The following GRK4 variants were observed in gnomAD, a reference collection of about 807,000 sequenced individuals.
The protein encoded by GRK4 is G protein-coupled receptor kinase 2-like.
A neutral mutation model predicts 77.9 loss-of-function variants in GRK4; 73 were observed. The ratio of observed to expected loss-of-function variants is 0.94; its 90% CI spans 0.78 to 1.14. The LOEUF is 1.14. Among genes scored for constraint, GRK4 ranks in the 50% most tolerant of loss-of-function variants. GRK4 has a pLI of 0.00. For missense variants in GRK4, 729 were observed against 700.2 expected, an observed-to-expected ratio of 1.04 and a Z score of -0.46; for synonymous variants, 257 against 254.4, an observed-to-expected ratio of 1.01 and a Z score of -0.10.
chr4:3,006,738 C>T (rs1731437678), intron 5 of GRK4, among the ~76,000 whole-genome samples: 1 of 152,020 alleles, frequency 6.6e-6, no homozygotes, highest in African/African-American at 2.4e-5. Context: ...TCACCACTAC[C>T]CTCCAGCCTG....
intron 8 of GRK4, among the ~76,000 whole-genome samples, chr4:3,019,202 C>G (rs1182207252): frequency 1.3e-5 from 2 of 152,182 alleles, no homozygotes; most frequent in African/African-American, 4.8e-5. Flanking sequence ...GACTACTCCA[C>G]CAGCATTATT....
chr4:3,015,503 A>G (rs913894795), intron 8 of GRK4, among the ~76,000 whole-genome samples: 1 of 151,746 alleles, frequency 6.6e-6, no homozygotes, highest in African/African-American at 2.4e-5. Flanking sequence ...GTGAAACCCC[A>G]TCTCTACTAA....
intron 4 of GRK4, among the ~76,000 whole-genome samples, chr4:2,997,547 G>A (rs529048349): frequency 6.6e-6 from 1 of 152,210 alleles, no homozygotes; most frequent in African/African-American, 2.4e-5. Flanking sequence ...GAGAGAGAGA[G>A]ACGTTTATGG....
chr4:3,005,796 ACT>A (rs1181784353), intron 5 of GRK4, among the ~76,000 whole-genome samples: 2 of 151,918 alleles, frequency 1.3e-5, no homozygotes, highest in South Asian at 2.1e-4. Context: ...ACACAGCGAG[ACT>A]CTGTCTCATA....
Position 3,029,761 on chromosome 4 carries a change from C to T in GRK4, c.1269+352C>T, listed in dbSNP as rs537821490. ...GCTCAGGAGGCTCACGTCAACCTGTCTCTTGGCCCAGCAGGGAGGACACGT... is the reference window on the plus strand; with the variant it reads ...GCTCAGGAGGCTCACGTCAACCTGTTTCTTGGCCCAGCAGGGAGGACACGT... On this transcript the variant is annotated intron_variant, in intron 12 of 15. Transcript: ENST00000398052. 3.3e-5 allele frequency among the ~76,000 whole-genome samples: 5 copies of T among 151,918 alleles called. No individual in the cohort carries two copies. In the South Asian group the frequency reaches 6.2e-4, roughly 19 times the overall value.
chr4:3,035,657 C>A (rs1013810858), intron 13 of GRK4, 134 bp downstream of exon 13: 11 of 973,640 alleles, frequency 1.1e-5, no homozygotes, highest in Non-Finnish European at 1.6e-5. Context: ...CTCCTGGCCT[C>A]AAGTGGTCCT....
intron 14 of GRK4, among the ~76,000 whole-genome samples, chr4:3,037,909 C>T (rs118011304): frequency 6.2e-5 from 9 of 146,338 alleles, no homozygotes; most frequent in Non-Finnish European, 8.9e-5. Context: ...AACGAGACTT[C>T]GTCTCACCCA....
At position 2,985,984 on chromosome 4, in the gene GRK4, C is replaced by CAAAAA. The variant is rs1181104072; in HGVS notation, c.148+1392_148+1396dup. ...TGGGTGACAGAACAAGACTCCGTCT[C>CAAAAA]AAAAAAAAAAAAAAAAAAAAGAAGT... is the stretch of plus-strand genomic sequence containing the variant. On this transcript the variant is annotated intron_variant, in intron 2 of 15. Coordinates refer to ENST00000398052, the MANE Select transcript of GRK4 (RefSeq NM_182982.3). 2.6e-4 allele frequency among the ~76,000 whole-genome samples: 24 copies of CAAAAA among 91,656 alleles called. 4 individuals carry two copies. The highest frequency in any genetic ancestry group is 2.7e-4 in the Non-Finnish European group (12 of 44,142). The allele number at this position is 91,656 out of a possible 152,430, so 60.1% of individuals were successfully genotyped here. A position where few individuals can be genotyped will look rare whatever the true frequency, so the allele number is the denominator to read the frequency against.
intron 12 of GRK4, among the ~76,000 whole-genome samples, chr4:3,031,489 C>G (rs867914358): frequency 6.6e-6 from 1 of 152,160 alleles, no homozygotes; most frequent in African/African-American, 2.4e-5. Context: ...CTGCACTCGC[C>G]CAGCTCTGGT....
Position 3,007,767 on chromosome 4 carries a change from T to C in GRK4, c.475T>C (p.Phe159Leu), listed in dbSNP as rs779929539. The C allele has an allele frequency of 6.2e-7, 1 of 1,611,372 alleles. No individual in the cohort carries two copies. Among genetic ancestry groups the C allele is most frequent in the South Asian group, 1.1e-5 (1 of 90,524 alleles). Residue 159 changes from phenylalanine to leucine, a missense_variant, in exon 6 of 16, where the codon TTT becomes CTT. Phe to Leu is a conservative substitution (Grantham distance 22). Transcript: ENST00000398052. Reference sequence around the variant, plus strand: ...CCATAACTACCTAAGAGGGGAACCATTTGAAGAATACCAAGAAAGCTCATA... The same window carrying C: ...CCATAACTACCTAAGAGGGGAACCACTTGAAGAATACCAAGAAAGCTCATA... ...VAHNYLRGEP[F>L]EEYQESSYFS...
At chr4:2,967,489 C>T (rs148633471) in intron 1 of GRK4, among the ~76,000 whole-genome samples, 2,510 of 152,286 alleles carry the variant, frequency 0.016, 76 homozygotes, top group African/African-American at 0.056. Context: ...CAACCTCTGC[C>T]GCCTGGGTTC....
At position 3,013,702 on chromosome 4, in the gene GRK4, A is replaced by C. The variant is rs770112448; in HGVS notation, c.615A>C (p.Gln205His). ...GTTTAAACTAGGTTTGCGCCTGTCA[A>C]GTGCGAGCCACAGGAAAAATGTATG... The part of the protein sequence containing the change: ...KGGFGEVCAC[Q>H]VRATGKMYAC... Residue 205 changes from glutamine (Q) to histidine (H), a missense_variant, in exon 8 of 16, where the codon CAA (glutamine) becomes CAC (histidine). Gln to His is a conservative substitution (Grantham distance 24). Transcript: ENST00000398052. 1 of 1,610,474 alleles carries C rather than the reference A, an allele frequency of 6.2e-7. No individual in the cohort carries two copies. Among genetic ancestry groups the C allele is most frequent in the African/African-American group, 1.3e-5 (1 of 74,568 alleles).
intron 1 of GRK4, chr4:2,969,249 T>A (rs1718714373): frequency 6.6e-6 from 1 of 152,190 alleles, no homozygotes; most frequent in Non-Finnish European, 1.5e-5. Context: ...AAGACTGCTC[T>A]TTCTAGTCTT....
intron 10 of GRK4, 149 bp from the exon 11 acceptor site, chr4:3,027,763 T>C: frequency 1.7e-6 from 1 of 596,594 alleles, no homozygotes; most frequent in Non-Finnish European, 2.9e-6. Flanking sequence ...ATGAAAAAGT[T>C]AAATGCCATT....
At chr4:2,964,470 G>C (rs1205588205) in intron 1 of GRK4, among the ~76,000 whole-genome samples, 1 of 152,114 alleles carries the variant, frequency 6.6e-6, no homozygotes, top group Non-Finnish European at 1.5e-5. Flanking sequence ...GCTTGTGTTG[G>C]ACAACCTGTC....
At chr4:3,007,303 C>G (rs1281766463) in intron 5 of GRK4, among the ~76,000 whole-genome samples, 1 of 152,218 alleles carries the variant, frequency 6.6e-6, no homozygotes. Context: ...ATTATTATCT[C>G]TGTTTTACAG....
rs771757282 is a variant in GRK4 at position 3,001,326 on chromosome 4, TACACAC to T, written c.340-2881_340-2876del. ...GTATATATGTGTGTGTGAGTACATA[TACACAC>T]ACACACACACACACACACACACATA... On this transcript the variant is annotated intron_variant, in intron 4 of 15. Transcript: ENST00000398052. Among the ~76,000 whole-genome samples the T allele has an allele frequency of 3.9e-4, 45 of 115,200 alleles. 5 individuals carry two copies. Among genetic ancestry groups the T allele is most frequent in the African/African-American group, 1.6e-3 (42 of 26,294 alleles). The allele number at this position is 115,200 out of a possible 152,430, so 75.6% of individuals were successfully genotyped here.
At chr4:2,965,513 G>T (rs1160971347) in intron 1 of GRK4, 2 of 698,104 alleles carry the variant, frequency 2.9e-6, no homozygotes, top group South Asian at 1.5e-5. Flanking sequence ...TGTAAATGCC[G>T]ACTGAAGATG....
chr4:3,014,869 C>T (rs959897781), intron 8 of GRK4, among the ~76,000 whole-genome samples: 11 of 152,134 alleles, frequency 7.2e-5, no homozygotes, highest in Admixed American at 5.2e-4. Flanking sequence ...TCAAGTGATC[C>T]ACCTGCCTCA....
Sources: allele counts gnomAD v4.1 joint callset (sites outside exome capture counted in the v4.1 genomes callset), GRCh38; gene constraint gnomAD v4.1.1; transcripts MANE v1.5; gene names NCBI Gene and HGNC (gene_info 2026-07-23, HGNC 2026-07-21).